Variants in PIK3R6 observed in about 807,000 individuals in gnomAD.
PIK3R6 encodes the protein phosphoinositide 3-kinase regulatory subunit 6.
In PIK3R6, 91 loss-of-function variants were observed where a neutral mutation model predicts 84.9. That is an observed-to-expected ratio of 1.07 (90% CI 0.90 to 1.28). PIK3R6 has a LOEUF of 1.28. Ranked by LOEUF, PIK3R6 falls within the 50% of genes most tolerant of loss-of-function variation. PIK3R6 has a pLI of 0.00. For synonymous variants in PIK3R6, 416 were observed against 411.4 expected (o/e 1.01, Z -0.13); for missense variants, 996 against 985.1 (o/e 1.01, Z -0.15).
intron 18 of PIK3R6, among the ~76,000 whole-genome samples, chr17:8,805,891 C>A (rs1452495014): frequency 6.6e-6 from 1 of 151,330 alleles, no homozygotes; most frequent in East Asian, 1.9e-4. Flanking sequence ...GCACTCCAGC[C>A]CGGGCAACAG....
intron 1 of PIK3R6, among the ~76,000 whole-genome samples, chr17:8,850,657 C>A (rs551757587): frequency 1.3e-5 from 2 of 152,004 alleles, no homozygotes; most frequent in Non-Finnish European, 2.9e-5. Context: ...ATGACTAGAA[C>A]GCAGAGGAAC....
At chr17:8,807,127 C>G (rs1035053411) in intron 18 of PIK3R6, among the ~76,000 whole-genome samples, 1 of 152,190 alleles carries the variant, frequency 6.6e-6, no homozygotes, top group Admixed American at 6.5e-5. Flanking sequence ...CACTTTGGAG[C>G]CTAAAACTTC....
At position 8,804,142 on chromosome 17, in the gene PIK3R6, G is replaced by A. The variant is rs765985434; in HGVS notation, c.2007C>T (p.Asn669=). 4 of 1,613,750 alleles carry A rather than the reference G, an allele frequency of 2.5e-6. No homozygotes were observed. The Admixed American group carries it at 5.0e-5, about 20-fold the overall frequency. Residue 669 remains asparagine (N), a synonymous_variant, in exon 19 of 20, where the codon AAC becomes AAT. Coordinates refer to ENST00000619866, the MANE Select transcript of PIK3R6 (RefSeq NM_001010855.4). The part of the protein sequence containing the change: ...LAGKSFSTVT[N]TFRTNNIQIQ... Reference sequence around the variant, plus strand: ...TCTGGATATTGTTCGTCCTGAAGGTGTTGGTCACTGTCTGCAGCACAGAGA... The same window carrying A: ...TCTGGATATTGTTCGTCCTGAAGGTATTGGTCACTGTCTGCAGCACAGAGA...
rs1449024393 is a variant in PIK3R6 at position 8,862,467 on chromosome 17, G to A, written c.-92+5062C>T. Among the ~76,000 whole-genome samples, 2 of 152,144 alleles carry A rather than the reference G, an allele frequency of 1.3e-5. No individual in the cohort carries two copies. The highest frequency in any genetic ancestry group is 4.8e-5 in the African/African-American group (2 of 41,406). On this transcript the variant is annotated intron_variant, in intron 1 of 19. Coordinates refer to ENST00000619866, the MANE Select transcript of PIK3R6 (RefSeq NM_001010855.4). The surrounding 1 kb of genome is among the most constrained non-coding windows in gnomAD (Gnocchi z 4.3). ...AGATTACTTTGATGCTCAGAATACTGCAAAGAAGACACTGGTCCCATAAGA... is the reference window on the plus strand; with the variant it reads ...AGATTACTTTGATGCTCAGAATACTACAAAGAAGACACTGGTCCCATAAGA...
chr17:8,824,086 A>G (rs181182791), intron 13 of PIK3R6, among the ~76,000 whole-genome samples: 2 of 152,324 alleles, frequency 1.3e-5, no homozygotes, highest in East Asian at 1.9e-4. Flanking sequence ...CCTGACCAAC[A>G]TGGAGAAACC....
At chr17:8,852,263 A>G (rs1035541748) in intron 1 of PIK3R6, among the ~76,000 whole-genome samples, 1 of 152,238 alleles carries the variant, frequency 6.6e-6, no homozygotes, top group African/African-American at 2.4e-5. Context: ...ATACTTAAAA[A>G]TGGTTAAGAT....
intron 9 of PIK3R6, among the ~76,000 whole-genome samples, chr17:8,832,422 G>A (rs147638641): frequency 0.016 from 1,893 of 117,918 alleles, 49 homozygotes; most frequent in African/African-American, 0.059. Context: ...TCGCTCTGTC[G>A]CCCAGGCTGG....
At chr17:8,822,502 T>C in intron 16 of PIK3R6, 85 bp downstream of exon 16, 2 of 1,463,382 alleles carry the variant, frequency 1.4e-6, no homozygotes, top group South Asian at 2.3e-5. Flanking sequence ...CCTTTGGCTC[T>C]ATCTGCTTCC....
At chr17:8,828,217 G>A (rs2088016412) in intron 11 of PIK3R6, 27 bp from the exon 12 acceptor site, 1 of 1,607,840 alleles carries the variant, frequency 6.2e-7, no homozygotes, top group Non-Finnish European at 8.5e-7. Context: ...AAGCAGAGGA[G>A]GTTAGGGGCG....
At chr17:8,836,689 T>C in intron 6 of PIK3R6, 73 bp from the exon 7 acceptor site, 1 of 1,612,878 alleles carries the variant, frequency 6.2e-7, no homozygotes. Context: ...CTACAGAAGG[T>C]GTGGAGGCTT....
rs368161150 is a variant in PIK3R6 at position 8,822,571 on chromosome 17, G to A, written c.1788+16C>T. 384 of 1,613,528 alleles carry A rather than the reference G, an allele frequency of 2.4e-4. No homozygotes were observed. The highest frequency in any genetic ancestry group is 3.0e-4 in the Non-Finnish European group (356 of 1,179,600). On this transcript the variant is annotated intron_variant, in intron 16 of 19. Coordinates refer to ENST00000619866, the MANE Select transcript of PIK3R6 (RefSeq NM_001010855.4). ...TACCTCTTGGCTACCTACTGACCAC[G>A]TCCATGCACACTGACCTTCTGGTAG... is the stretch of plus-strand genomic sequence containing the variant.
chr17:8,840,789 G>A (rs1389980380), intron 2 of PIK3R6, among the ~76,000 whole-genome samples: 1 of 151,308 alleles, frequency 6.6e-6, no homozygotes, highest in African/African-American at 2.4e-5. Flanking sequence ...GTCTAACTCT[G>A]TCATCCAGGC....
intron 1 of PIK3R6, among the ~76,000 whole-genome samples, chr17:8,864,850 T>G (rs979761992): frequency 6.6e-6 from 1 of 152,176 alleles, no homozygotes; most frequent in Non-Finnish European, 1.5e-5. Context: ...TCACAGTTCC[T>G]GGCAGAGGGA....
chr17:8,822,423 C>T (rs2087768395), intron 16 of PIK3R6, among the ~76,000 whole-genome samples, 164 bp downstream of exon 16: 1 of 152,160 alleles, frequency 6.6e-6, no homozygotes, highest in African/African-American at 2.4e-5. Flanking sequence ...CTTAACCCAC[C>T]CATCCCTGCA....
Position 8,849,808 on chromosome 17 carries a change from T to A in PIK3R6, c.-14A>T, listed in dbSNP as rs1472476043. ...TGAGCTCTCCATGGGAGCCTTTGGGTGTAGGAGGAGGAGGATGTGGTTGTC... is the reference window on the plus strand; with the variant it reads ...TGAGCTCTCCATGGGAGCCTTTGGGAGTAGGAGGAGGAGGATGTGGTTGTC... On this transcript the variant is annotated 5_prime_UTR_variant, in exon 2 of 20. Transcript: ENST00000619866. 6.2e-7 allele frequency: 1 copy of A among 1,610,916 alleles called. No individual in the cohort carries two copies. The highest frequency in any genetic ancestry group is 1.7e-5 in the Admixed American group (1 of 59,744).
Position 8,822,904 on chromosome 17 carries a change from C to T in PIK3R6, c.1717+92G>A, listed in dbSNP as rs116635499. On this transcript the variant is annotated intron_variant, in intron 15 of 19. Transcript: ENST00000619866. ...CAGGGACAAGCACTGAGGGTGTGGG[C>T]GTGCAGGCATCATCAGGTGAGAGGT... 4.2e-3 allele frequency: 4,686 copies of T among 1,107,290 alleles called. 105 individuals are homozygous for T. In the African/African-American group the frequency reaches 0.052, roughly 12 times the overall value. 68.6% of individuals were successfully genotyped at this position (1,107,290 alleles called of 1,614,324 possible). A position where few individuals can be genotyped will look rare whatever the true frequency, so the allele number is the denominator to read the frequency against.
In PIK3R6 at chr17:8,821,889, G is replaced by T; in HGVS notation, c.1836C>A (p.Ala612=). 6.3e-7 allele frequency: 1 copy of T among 1,597,018 alleles called. No individual in the cohort carries two copies. Among genetic ancestry groups the T allele is most frequent in the Non-Finnish European group, 8.5e-7 (1 of 1,171,758 alleles). The change falls in exon 17 of 20, where the codon GCC becomes GCA. Residue 612 remains alanine (A), a synonymous_variant. Transcript: ENST00000619866. ...GAATGGCCTTCAGGATCAGCCCAGT[G>T]GCCCGCAGGGAAACGGTGACCTCTC... ...RPREVTVSLR[A]TGLILKAIPA... is the part of the protein sequence containing the mutation.
chr17:8,803,229 T>TG lies in PIK3R6; in HGVS notation c.*43dup, dbSNP rs535792968. ...TGTTGGTGTGAGTGTTTGGAGTTGG[T>TG]GGGGTAGTGTATCCTTCCTCCTGGG... On this transcript the variant is annotated 3_prime_UTR_variant, in exon 20 of 20. Transcript: ENST00000619866. This position sits in a 1 kb window ranked among gnomAD's most constrained non-coding sequence, Gnocchi z 5.0. 374 of 1,608,046 alleles carry TG rather than the reference T, an allele frequency of 2.3e-4. 2 individuals carry two copies. In the African/African-American group the frequency reaches 4.6e-3, roughly 20 times the overall value.
intron 13 of PIK3R6, 88 bp downstream of exon 13, chr17:8,827,084 C>T (rs1312784521): frequency 2.0e-6 from 3 of 1,464,958 alleles, no homozygotes; most frequent in East Asian, 2.5e-5. Context: ...TTCACCCTCG[C>T]TGCCTACTTG....
Sources: allele counts gnomAD v4.1 joint callset (sites outside exome capture counted in the v4.1 genomes callset), GRCh38; gene constraint gnomAD v4.1.1; non-coding constraint Gnocchi (gnomAD v3.1); transcripts MANE v1.5; gene names NCBI Gene and HGNC (gene_info 2026-07-23, HGNC 2026-07-21).